The following MCF2L2 variants were observed in gnomAD, a reference collection of about 807,000 sequenced individuals.
MCF2L2 encodes the protein probable guanine nucleotide exchange factor MCF2L2.
MCF2L2 carries 102 observed loss-of-function variants against 150.2 expected under a neutral mutation model. That is an observed-to-expected ratio of 0.68 (90% CI 0.58 to 0.80). The LOEUF is 0.80. Ranked by LOEUF, MCF2L2 falls within the 30% of genes least tolerant of loss-of-function variation. MCF2L2 has a pLI of 0.00. For missense variants in MCF2L2, 1,256 were observed against 1,372.8 expected (o/e 0.91, Z 1.34); for synonymous variants, 465 against 491.3 (o/e 0.95, Z 0.71).
chr3:183,420,251 C>G lies in MCF2L2; in HGVS notation c.76+7651G>C, dbSNP rs996793069. 1.4e-4 allele frequency among the ~76,000 whole-genome samples: 22 copies of G among 152,294 alleles called. No individual in the cohort carries two copies. The Middle Eastern group carries it at 0.01, about 71-fold the overall frequency. ...CCACATTTTCAGGTTATCTTTATAG[C>G]AGTACCCCCACTCTTAGTACCAATT... On this transcript the variant is annotated intron_variant, in intron 1 of 29. Transcript: ENST00000328913.
intron 5 of MCF2L2, among the ~76,000 whole-genome samples, chr3:183,326,013 C>G (rs1332485313): frequency 1.8e-4 from 27 of 151,866 alleles, no homozygotes; most frequent in Admixed American, 1.4e-3. Flanking sequence ...ATAGGTAAAA[C>G]AATTTTGTAA....
intron 14 of MCF2L2, among the ~76,000 whole-genome samples, chr3:183,278,676 GA>G (rs1359846381): frequency 6.6e-6 from 1 of 152,134 alleles, no homozygotes; most frequent in Non-Finnish European, 1.5e-5. Flanking sequence ...CTCTCACTGT[GA>G]AACCTGCTCC....
At chr3:183,291,021 T>C (rs1728111106) in intron 13 of MCF2L2, among the ~76,000 whole-genome samples, 2 of 150,066 alleles carry the variant, frequency 1.3e-5, no homozygotes, top group African/African-American at 2.4e-5. Context: ...TTCATAGATG[T>C]TATGTTGAAA....
At chr3:183,207,304 C>A (rs1722529576) in intron 23 of MCF2L2, among the ~76,000 whole-genome samples, 1 of 152,042 alleles carries the variant, frequency 6.6e-6, no homozygotes, top group Non-Finnish European at 1.5e-5. Flanking sequence ...ATCACTAAGT[C>A]TTTCAACTCT....
chr3:183,360,956 CAGAAAAGAAAAG>C (rs1272338201), intron 3 of MCF2L2, among the ~76,000 whole-genome samples: 2 of 88,396 alleles, frequency 2.3e-5, no homozygotes, highest in African/African-American at 4.4e-5. Context: ...GAGTGAAACT[CAGAAAAGAAAAG>C]AAAAGAAAAG....
intron 15 of MCF2L2, chr3:183,272,989 C>T: frequency 6.8e-7 from 1 of 1,477,294 alleles, no homozygotes; most frequent in Non-Finnish European, 8.9e-7. Context: ...AATATGAAGG[C>T]ACTTCCTTTT....
intron 1 of MCF2L2, among the ~76,000 whole-genome samples, chr3:183,421,604 G>A (rs756633544): frequency 5.9e-5 from 9 of 152,212 alleles, no homozygotes; most frequent in Middle Eastern, 3.4e-3. Flanking sequence ...TATTTATTGC[G>A]GCTGTACTGA....
intron 10 of MCF2L2, among the ~76,000 whole-genome samples, chr3:183,304,462 A>ATTTTTTTTTT (rs36115279): frequency 8.8e-6 from 1 of 114,134 alleles, no homozygotes; most frequent in African/African-American, 3.5e-5. Context: ...CTGGGCAGTG[A>ATTTTTTTTTT]TTTTTTTTTT....
intron 14 of MCF2L2, among the ~76,000 whole-genome samples, chr3:183,280,440 G>T (rs77628418): frequency 0.026 from 3,918 of 151,888 alleles, 174 homozygotes; most frequent in African/African-American, 0.087. Flanking sequence ...TTCCCTAAAG[G>T]GGAGATACCA....
At chr3:183,216,996 A>G (rs1722968254) in intron 21 of MCF2L2, among the ~76,000 whole-genome samples, 1 of 150,468 alleles carries the variant, frequency 6.6e-6, no homozygotes, top group South Asian at 2.1e-4. Flanking sequence ...GGCTTACTGA[A>G]AAAAAAAATA....
At chr3:183,249,877 C>T (rs796412644) in intron 15 of MCF2L2, among the ~76,000 whole-genome samples, 3 of 152,126 alleles carry the variant, frequency 2.0e-5, no homozygotes, top group African/African-American at 7.2e-5. Context: ...CTGCAGTTAC[C>T]AGGCATTCAT....
chr3:183,363,210 G>A (rs142872674), intron 3 of MCF2L2, among the ~76,000 whole-genome samples: 22 of 152,322 alleles, frequency 1.4e-4, no homozygotes, highest in Non-Finnish European at 2.4e-4. Context: ...ACACGGCACA[G>A]CCACTTTAGA....
chr3:183,299,959 A>G, intron 11 of MCF2L2, 46 bp downstream of exon 11: 7 of 1,584,142 alleles, frequency 4.4e-6, no homozygotes, highest in Non-Finnish European at 6.0e-6. Context: ...AAGCTTCTTC[A>G]CAGAAAATCT....
intron 20 of MCF2L2, among the ~76,000 whole-genome samples, chr3:183,221,166 G>A (rs954673080): frequency 6.6e-6 from 1 of 152,202 alleles, no homozygotes; most frequent in Non-Finnish European, 1.5e-5. Context: ...GGTTTCACAG[G>A]CACCAGCAAG....
intron 3 of MCF2L2, among the ~76,000 whole-genome samples, chr3:183,361,077 GAAGACAAGACAAGAC>G (rs139125125): frequency 2.0e-5 from 2 of 100,424 alleles, no homozygotes; most frequent in Admixed American, 1.8e-4. Context: ...AGACAGAAGA[GAAGACAAGACAAGAC>G]AAGACAAGAC....
intron 15 of MCF2L2, 48 bp from the exon 16 acceptor site, chr3:183,231,065 G>A (rs1442427704): frequency 1.4e-5 from 19 of 1,356,234 alleles, no homozygotes; most frequent in Non-Finnish European, 1.8e-5. Flanking sequence ...GAGACAGGGA[G>A]AGGAGAATGT....
intron 14 of MCF2L2, among the ~76,000 whole-genome samples, chr3:183,285,056 C>G (rs1292353488): frequency 6.6e-6 from 1 of 152,204 alleles, no homozygotes; most frequent in Non-Finnish European, 1.5e-5. Context: ...ACTGAACTTG[C>G]CCCCTGATCT....
At chr3:183,423,606 C>T (rs529113992) in intron 1 of MCF2L2, among the ~76,000 whole-genome samples, 2 of 148,690 alleles carry the variant, frequency 1.3e-5, no homozygotes, top group Non-Finnish European at 3.0e-5. Flanking sequence ...GAGTTACTGA[C>T]GTGGACCATT....
chr3:183,323,820 T>C (rs1729917136), intron 5 of MCF2L2, among the ~76,000 whole-genome samples: 2 of 150,546 alleles, frequency 1.3e-5, no homozygotes. Context: ...AGTTACTATA[T>C]CCAGCAGGGA....
Sources: allele counts gnomAD v4.1 joint callset (sites outside exome capture counted in the v4.1 genomes callset), GRCh38; gene constraint gnomAD v4.1.1; transcripts MANE v1.5; gene names NCBI Gene and HGNC (gene_info 2026-07-23, HGNC 2026-07-21).